Variants in LINGO2 observed in about 807,000 individuals in gnomAD.
LINGO2 encodes leucine-rich repeat and immunoglobulin-like domain-containing nogo receptor-interacting protein 2.
LINGO2 carries 14 observed loss-of-function variants against 30.6 expected under a neutral mutation model. The ratio of observed to expected loss-of-function variants is 0.46; its 90% CI spans 0.30 to 0.72. The LOEUF (loss-of-function observed/expected upper bound fraction) is 0.72. Ranked by LOEUF, LINGO2 falls within the 30% of genes least tolerant of loss-of-function variation. The pLI is 0.07. For missense variants in LINGO2, 729 were observed against 751.7 expected (o/e 0.97, Z 0.35); for synonymous variants, 317 against 288.5 (o/e 1.10, Z -1.00).
chr9:28,674,810 T>G (rs996931524), upstream of LINGO2, among the ~76,000 whole-genome samples: 18 of 152,260 alleles, frequency 1.2e-4, no homozygotes, highest in African/African-American at 3.4e-4. Flanking sequence ...GTTAAATTTC[T>G]TGGATGATTG....
chr9:29,071,483 A>ATT, the LINGO2 span, among the ~76,000 whole-genome samples: 1 of 15,428 alleles, frequency 6.5e-5, no homozygotes, highest in African/African-American at 1.3e-4. Flanking sequence ...TTAACTGGTC[A>ATT]TATATATATA....
the LINGO2 span, among the ~76,000 whole-genome samples, chr9:28,952,216 C>T: frequency 2.0e-5 from 3 of 152,202 alleles, no homozygotes; most frequent in Non-Finnish European, 4.4e-5. Context: ...CCTCATCTAA[C>T]CTTACTCTTA....
intron 1 of LINGO2, among the ~76,000 whole-genome samples, chr9:28,494,177 C>G (rs753788846): frequency 6.6e-6 from 1 of 152,012 alleles, no homozygotes; most frequent in Non-Finnish European, 1.5e-5. Flanking sequence ...TTTTAAATCA[C>G]AAAAACACAA....
Position 28,426,908 on chromosome 9 carries a change from G to T in LINGO2, c.-279+49032C>A, listed in dbSNP as rs545146658. ...TTCTTTCTGTCTTTCCTCTGAAACTGAAAAGCATGAGGTCCTGATTTTTAC... is the reference window on the plus strand; with the variant it reads ...TTCTTTCTGTCTTTCCTCTGAAACTTAAAAGCATGAGGTCCTGATTTTTAC... On this transcript the variant is annotated intron_variant, in intron 2 of 5. Coordinates refer to ENST00000379992, the Ensembl canonical transcript of LINGO2. Among the ~76,000 whole-genome samples the T allele has an allele frequency of 6.6e-5, 10 of 152,100 alleles. No homozygotes were observed. In the South Asian group the frequency reaches 2.1e-3, roughly 32 times the overall value.
At chr9:28,820,365 C>A in the LINGO2 span, among the ~76,000 whole-genome samples, 2 of 151,990 alleles carry the variant, frequency 1.3e-5, no homozygotes, top group Non-Finnish European at 2.9e-5. Context: ...ACAAAAATGG[C>A]CTTAGAAACC....
intron 4 of LINGO2, among the ~76,000 whole-genome samples, chr9:28,220,826 G>A (rs1441602118): frequency 1.3e-5 from 2 of 151,916 alleles, no homozygotes; most frequent in Non-Finnish European, 2.9e-5. Flanking sequence ...TGCAAAACAA[G>A]CAAGCAAAAC....
At chr9:28,173,261 C>T (rs1464972275) in intron 4 of LINGO2, among the ~76,000 whole-genome samples, 2 of 152,128 alleles carry the variant, frequency 1.3e-5, no homozygotes, top group African/African-American at 4.8e-5. Flanking sequence ...GCTTCATTTT[C>T]CTCATATTCT....
chr9:28,844,328 C>T, the LINGO2 span, among the ~76,000 whole-genome samples: 18 of 151,766 alleles, frequency 1.2e-4, no homozygotes, highest in Non-Finnish European at 2.4e-4. Context: ...TGCCATTGCA[C>T]TCTAGCCTGG....
chr9:28,621,726 T>C (rs1826403356), intron 1 of LINGO2, among the ~76,000 whole-genome samples: 1 of 152,044 alleles, frequency 6.6e-6, no homozygotes, highest in South Asian at 2.1e-4. Context: ...CCAGACCACC[T>C]TAATAAAGCA....
chr9:28,500,399 T>G (rs906687393), intron 1 of LINGO2, among the ~76,000 whole-genome samples: 3 of 152,162 alleles, frequency 2.0e-5, no homozygotes, highest in Admixed American at 6.5e-5. Flanking sequence ...ACAAACAGCA[T>G]TAATATTCAC....
At chr9:27,974,624 T>C (rs1820510385) in intron 5 of LINGO2, among the ~76,000 whole-genome samples, 1 of 152,110 alleles carries the variant, frequency 6.6e-6, no homozygotes, top group South Asian at 2.1e-4. Flanking sequence ...CTTCAAGTGT[T>C]ACCAGGACAA....
chr9:29,014,814 A>T, the LINGO2 span, among the ~76,000 whole-genome samples: 2 of 152,178 alleles, frequency 1.3e-5, no homozygotes, highest in Non-Finnish European at 2.9e-5. Flanking sequence ...GGTGAATAGT[A>T]TGAATGTAAA....
chr9:27,952,572 G>A (rs1373142966), intron 5 of LINGO2, among the ~76,000 whole-genome samples: 2 of 151,880 alleles, frequency 1.3e-5, no homozygotes, highest in East Asian at 1.9e-4. Context: ...AAATCAGCAT[G>A]CTATTTACAC....
intron 4 of LINGO2, among the ~76,000 whole-genome samples, chr9:28,168,640 A>G (rs1461363974): frequency 2.0e-5 from 3 of 152,264 alleles, no homozygotes; most frequent in Non-Finnish European, 2.9e-5. Context: ...ACGTTTGTGC[A>G]GAGCCATGTG....
At chr9:28,679,744 G>C in the LINGO2 span, among the ~76,000 whole-genome samples, 1 of 151,926 alleles carries the variant, frequency 6.6e-6, no homozygotes, top group Non-Finnish European at 1.5e-5. Context: ...AGCCTAATGA[G>C]TTGCTTTGTC....
the LINGO2 span, among the ~76,000 whole-genome samples, chr9:28,950,727 T>C: frequency 3.9e-5 from 6 of 152,098 alleles, no homozygotes; most frequent in African/African-American, 1.4e-4. Context: ...CCTAAACCAC[T>C]GCTCAAGGAA....
the LINGO2 span, among the ~76,000 whole-genome samples, chr9:28,734,939 A>T: frequency 4.7e-4 from 72 of 152,270 alleles, no homozygotes; most frequent in African/African-American, 1.7e-3. Context: ...AGCATAATTT[A>T]AAAATTCTTT....
At chr9:29,035,363 T>C in the LINGO2 span, among the ~76,000 whole-genome samples, 1 of 151,930 alleles carries the variant, frequency 6.6e-6, no homozygotes, top group African/African-American at 2.4e-5. Flanking sequence ...TTTCATTTAG[T>C]TTGACAATAT....
the LINGO2 span, among the ~76,000 whole-genome samples, chr9:29,140,951 G>C: frequency 6.6e-6 from 1 of 151,968 alleles, no homozygotes; most frequent in Non-Finnish European, 1.5e-5. Flanking sequence ...AAAAATAAAA[G>C]TGAAATAAAG....
Sources: gnomAD v4.1 joint callset for allele counts (sites outside exome capture counted in the v4.1 genomes callset) on GRCh38, gnomAD v4.1.1 for gene constraint, MANE v1.5 for transcripts, NCBI Gene and HGNC (gene_info 2026-07-23, HGNC 2026-07-21) for gene names.